Variants in PDE4D observed in about 807,000 individuals in gnomAD.
PDE4D encodes 3',5'-cyclic-AMP phosphodiesterase 4D.
A neutral mutation model predicts 87.4 loss-of-function variants in PDE4D; 24 were observed. The ratio of observed to expected loss-of-function variants is 0.27; its 90% CI spans 0.20 to 0.39. PDE4D has a LOEUF of 0.39. PDE4D is among the 10% of genes least tolerant of loss of function. The pLI is 1.00. For missense variants in PDE4D, 714 were observed against 1,041.0 expected, an observed-to-expected ratio of 0.69 and a Z score of 4.32; for synonymous variants, 384 against 383.2, an observed-to-expected ratio of 1.00 and a Z score of -0.02.
intron 1 of PDE4D, among the ~76,000 whole-genome samples, chr5:60,445,700 A>G (rs1466949650): frequency 6.6e-6 from 1 of 152,162 alleles, no homozygotes; most frequent in African/African-American, 2.4e-5. Flanking sequence ...ATGTAAAATG[A>G]TTAAGTCCTA....
intron 1 of PDE4D, among the ~76,000 whole-genome samples, chr5:59,401,474 A>ATCTGTCTGTCTGTCTG (rs201224024): frequency 6.1e-5 from 4 of 65,980 alleles, no homozygotes; most frequent in Non-Finnish European, 9.9e-5. Flanking sequence ...CTATCTATCT[A>ATCTGTCTGTCTGTCTG]TCTATCTATC....
At chr5:59,855,784 C>T (rs1223455561) in intron 1 of PDE4D, among the ~76,000 whole-genome samples, 1 of 152,126 alleles carries the variant, frequency 6.6e-6, no homozygotes, top group Non-Finnish European at 1.5e-5. Context: ...CATTTCTTCA[C>T]ACAAATACAT....
intron 5 of PDE4D, among the ~76,000 whole-genome samples, chr5:59,051,747 C>T (rs921098674): frequency 6.6e-6 from 1 of 152,204 alleles, no homozygotes; most frequent in Admixed American, 6.5e-5. Context: ...CAACTATCAC[C>T]TCTTGAAGAA....
intron 1 of PDE4D, among the ~76,000 whole-genome samples, chr5:59,665,411 T>A (rs1165465705): frequency 2.0e-5 from 3 of 152,178 alleles, no homozygotes; most frequent in Non-Finnish European, 2.9e-5. Context: ...CTGCCTCAGG[T>A]CACTGAACCA....
chr5:59,934,667 A>G (rs1273873217), intron 3 of PDE4D, among the ~76,000 whole-genome samples: 2 of 152,242 alleles, frequency 1.3e-5, no homozygotes, highest in Non-Finnish European at 2.9e-5. Context: ...ATAGCAGTGC[A>G]GAGGAGGGAC....
chr5:59,326,323 G>A (rs1481234364), intron 1 of PDE4D, among the ~76,000 whole-genome samples: 1 of 151,874 alleles, frequency 6.6e-6, no homozygotes, highest in Non-Finnish European at 1.5e-5. Context: ...TTGTACTTTT[G>A]TGTTACAATC....
At chr5:59,720,196 C>G (rs187082201) in intron 1 of PDE4D, among the ~76,000 whole-genome samples, 2 of 152,146 alleles carry the variant, frequency 1.3e-5, no homozygotes, top group East Asian at 3.9e-4. Context: ...GGATCTTGCT[C>G]TGTTGCCCAG....
chr5:59,073,289 G>A (rs1425429108), intron 5 of PDE4D, among the ~76,000 whole-genome samples: 1 of 152,046 alleles, frequency 6.6e-6, no homozygotes, highest in Non-Finnish European at 1.5e-5. Context: ...CTGCTAAGCT[G>A]GGGAATTCAG....
chr5:60,040,251 T>C (rs1384970595), intron 2 of PDE4D, among the ~76,000 whole-genome samples: 3 of 152,224 alleles, frequency 2.0e-5, no homozygotes, highest in African/African-American at 4.8e-5. Flanking sequence ...TCTTTTTTGG[T>C]ACTAGTGTGC....
chr5:59,274,243 G>A (rs1475143470), intron 1 of PDE4D, among the ~76,000 whole-genome samples: 1 of 152,054 alleles, frequency 6.6e-6, no homozygotes, highest in African/African-American at 2.4e-5. Flanking sequence ...GGCAAGTAAC[G>A]TTAAGAGACA....
At chr5:59,938,141 T>A (rs1756806530) in intron 3 of PDE4D, among the ~76,000 whole-genome samples, 1 of 152,234 alleles carries the variant, frequency 6.6e-6, no homozygotes, top group Non-Finnish European at 1.5e-5. Context: ...CTACGTGCTA[T>A]TAGCTTCTAG....
chr5:59,292,752 C>T (rs750345283), intron 1 of PDE4D, among the ~76,000 whole-genome samples: 12 of 152,086 alleles, frequency 7.9e-5, no homozygotes, highest in Non-Finnish European at 1.8e-4. Flanking sequence ...TTCCAGGTCT[C>T]AAATGGTTTC....
At chr5:59,589,596 T>C (rs1295967935) in intron 1 of PDE4D, among the ~76,000 whole-genome samples, 2 of 152,154 alleles carry the variant, frequency 1.3e-5, no homozygotes, top group Non-Finnish European at 2.9e-5. Flanking sequence ...GTAATGAACA[T>C]CATTTATCTG....
intron 1 of PDE4D, among the ~76,000 whole-genome samples, chr5:60,444,311 A>G (rs897590207): frequency 2.0e-5 from 3 of 152,102 alleles, no homozygotes; most frequent in Non-Finnish European, 4.4e-5. Context: ...TGATTTCACC[A>G]GGGCTATGTC....
intron 8 of PDE4D, among the ~76,000 whole-genome samples, chr5:58,991,192 G>A (rs1747827415): frequency 6.6e-6 from 1 of 152,176 alleles, no homozygotes; most frequent in African/African-American, 2.4e-5. Flanking sequence ...TGAGGCAGGA[G>A]AATTGCTTGA....
rs538048027 is a variant in PDE4D at position 58,975,885 on chromosome 5, T to TAA, written c.1831-47_1831-46insTT. ...CTCTATTCACTCCTGTTCCTTTTTT[T>TAA]TAAAAAAAAAAACAAAAAAAACTAG... On this transcript the variant is annotated intron_variant, in intron 13 of 14. Transcript: ENST00000340635. This position sits in a 1 kb window ranked among gnomAD's most constrained non-coding sequence, Gnocchi z 4.2. 181 of 1,160,798 alleles carry TAA rather than the reference T, an allele frequency of 1.6e-4. No homozygotes were observed. Among genetic ancestry groups the TAA allele is most frequent in the Admixed American group, 2.4e-4 (6 of 24,828 alleles). The allele number at this position is 1,160,798 out of a possible 1,614,324, so 71.9% of individuals were successfully genotyped here. A position where few individuals can be genotyped will look rare whatever the true frequency, so the allele number is the denominator to read the frequency against.
intron 1 of PDE4D, among the ~76,000 whole-genome samples, chr5:59,781,215 G>A (rs1369612782): frequency 6.8e-6 from 1 of 146,636 alleles, no homozygotes; most frequent in African/African-American, 2.5e-5. Flanking sequence ...AGACCACAAA[G>A]GTAATCAAAC....
At chr5:59,644,708 A>G (rs1742158330) in intron 1 of PDE4D, among the ~76,000 whole-genome samples, 1 of 152,210 alleles carries the variant, frequency 6.6e-6, no homozygotes, top group African/African-American at 2.4e-5. Context: ...AAACGTGTGT[A>G]TCTGTACGTG....
At chr5:59,880,132 C>A (rs1357041220) in intron 1 of PDE4D, among the ~76,000 whole-genome samples, 10 of 152,102 alleles carry the variant, frequency 6.6e-5, no homozygotes, top group Admixed American at 4.6e-4. Context: ...AGACAGGTCT[C>A]ACTCTTTTGC....
Sources: allele counts gnomAD v4.1 joint callset (sites outside exome capture counted in the v4.1 genomes callset), GRCh38; gene constraint gnomAD v4.1.1; non-coding constraint Gnocchi (gnomAD v3.1); transcripts MANE v1.5; gene names NCBI Gene and HGNC (gene_info 2026-07-23, HGNC 2026-07-21).